YPEL2: variants seen among roughly 807,000 people sequenced by gnomAD.
YPEL2 encodes yippee like 2.
A neutral mutation model predicts 19.1 loss-of-function variants in YPEL2; 2 were observed. The ratio of observed to expected loss-of-function variants is 0.10; its 90% CI spans 0.04 to 0.33. The LOEUF (loss-of-function observed/expected upper bound fraction) is 0.33. YPEL2 is among the 10% of genes least tolerant of loss of function. The pLI is 1.00. For missense variants in YPEL2, 66 were observed against 140.7 expected (o/e 0.47, Z 2.68); for synonymous variants, 52 against 50.0 (o/e 1.04, Z -0.17).
intron 3 of YPEL2, 161 bp from the exon 4 acceptor site, chr17:59,389,199 T>C (rs1211136474): frequency 1.7e-6 from 1 of 578,958 alleles, no homozygotes; most frequent in Non-Finnish European, 3.1e-6. Flanking sequence ...CTGAGATATT[T>C]CCCTGTGGCC....
chr17:59,336,382 CT>C (rs554648651), intron 1 of YPEL2, among the ~76,000 whole-genome samples: 4 of 152,136 alleles, frequency 2.6e-5, no homozygotes, highest in Admixed American at 6.5e-5. Flanking sequence ...CTAGGCCTCG[CT>C]GTTTGTTTTC....
chr17:59,365,047 C>A (rs1035065766), intron 2 of YPEL2, among the ~76,000 whole-genome samples: 2 of 152,180 alleles, frequency 1.3e-5, no homozygotes, highest in Non-Finnish European at 2.9e-5. Flanking sequence ...TACCACAGGG[C>A]CTGGCACGTG....
chr17:59,389,032 G>T, intron 3 of YPEL2: 1 of 356,270 alleles, frequency 2.8e-6, no homozygotes. Flanking sequence ...TGTGCCCATG[G>T]CTGTGGACTT....
intron 2 of YPEL2, among the ~76,000 whole-genome samples, chr17:59,365,863 A>G (rs1567746084): frequency 6.6e-6 from 1 of 152,146 alleles, no homozygotes; most frequent in Non-Finnish European, 1.5e-5. Context: ...GCCGCTAGAA[A>G]CAACAACATC....
chr17:59,339,547 A>G (rs2047717247), intron 1 of YPEL2, among the ~76,000 whole-genome samples: 1 of 152,150 alleles, frequency 6.6e-6, no homozygotes, highest in African/African-American at 2.4e-5. Flanking sequence ...GGGTGTTTAG[A>G]GAGAACTTGA....
intron 1 of YPEL2, among the ~76,000 whole-genome samples, chr17:59,347,972 G>A (rs951363547): frequency 2.6e-5 from 4 of 151,782 alleles, no homozygotes; most frequent in Admixed American, 1.3e-4. Flanking sequence ...TCCCCCATTG[G>A]CCATTAAAAA....
intron 1 of YPEL2, among the ~76,000 whole-genome samples, chr17:59,349,173 CAAAAAA>C (rs57129006): frequency 1.4e-4 from 8 of 57,522 alleles, no homozygotes; most frequent in South Asian, 6.3e-4. Flanking sequence ...GACTCCGTCT[CAAAAAA>C]AAAAAAAAAA....
intron 2 of YPEL2, among the ~76,000 whole-genome samples, chr17:59,357,207 G>T (rs925505913): frequency 6.6e-6 from 1 of 152,100 alleles, no homozygotes; most frequent in African/African-American, 2.4e-5. Flanking sequence ...CTGTCCAAAA[G>T]AAAAGAACAA....
rs192387171 is a variant in YPEL2 at position 59,368,722 on chromosome 17, T to G, written c.117+15196T>G. Reference sequence around the variant, plus strand: ...GGCCTAGAAGGCCAAACTAAGGAGTTTAGACAGAGTTCTGGATGCTGTGAG... The same window carrying G: ...GGCCTAGAAGGCCAAACTAAGGAGTGTAGACAGAGTTCTGGATGCTGTGAG... On this transcript the variant is annotated intron_variant, in intron 2 of 4. Coordinates refer to ENST00000312655, the MANE Select transcript of YPEL2 (RefSeq NM_001005404.4). 3.0e-4 allele frequency among the ~76,000 whole-genome samples: 45 copies of G among 152,210 alleles called. No homozygotes were observed. The East Asian group carries it at 8.1e-3, about 28-fold the overall frequency.
At chr17:59,344,567 G>T (rs1409864102) in intron 1 of YPEL2, among the ~76,000 whole-genome samples, 1 of 152,134 alleles carries the variant, frequency 6.6e-6, no homozygotes, top group African/African-American at 2.4e-5. Context: ...AGACCAGCCT[G>T]GCCAACTTGG....
At position 59,334,392 on chromosome 17, in the gene YPEL2, G is replaced by T. The variant is rs370742134; in HGVS notation, c.-196+2568G>T. 4.7e-3 allele frequency among the ~76,000 whole-genome samples: 700 copies of T among 148,274 alleles called. 10 individuals are homozygous for T. The highest frequency in any genetic ancestry group is 0.016 in the African/African-American group (657 of 41,122). The stretch of plus-strand genomic sequence containing the variant: ...GCAGGCAGGTGACTCTTTTTATTTG[G>T]GGGGGGGTGAGGAGTCAGGAGTTTG... On this transcript the variant is annotated intron_variant, in intron 1 of 4. Transcript: ENST00000312655.
At chr17:59,370,691 G>A (rs780148410) in intron 2 of YPEL2, among the ~76,000 whole-genome samples, 4 of 152,038 alleles carry the variant, frequency 2.6e-5, no homozygotes, top group Non-Finnish European at 5.9e-5. Flanking sequence ...AGATTGCTTC[G>A]GCTTGTTTCT....
intron 2 of YPEL2, among the ~76,000 whole-genome samples, chr17:59,359,337 C>T (rs1276767141): frequency 6.6e-6 from 1 of 152,090 alleles, no homozygotes; most frequent in Non-Finnish European, 1.5e-5. Context: ...CTAAAAATCC[C>T]TTCATTTCTT....
intron 1 of YPEL2, among the ~76,000 whole-genome samples, chr17:59,350,819 T>C (rs1306715097): frequency 6.6e-6 from 1 of 152,126 alleles, no homozygotes; most frequent in Non-Finnish European, 1.5e-5. Flanking sequence ...GAAAACAGAC[T>C]CTGTATCTGC....
At chr17:59,332,635 G>T (rs994267974) in intron 1 of YPEL2, among the ~76,000 whole-genome samples, 2 of 152,162 alleles carry the variant, frequency 1.3e-5, no homozygotes, top group African/African-American at 4.8e-5. Flanking sequence ...GGGGGTGGGG[G>T]ACACCTGTTC....
At chr17:59,333,131 C>A (rs565559037) in intron 1 of YPEL2, among the ~76,000 whole-genome samples, 1 of 152,238 alleles carries the variant, frequency 6.6e-6, no homozygotes, top group Non-Finnish European at 1.5e-5. Context: ...GGCCACAGGG[C>A]CTATGAATGG....
At chr17:59,358,755 G>T (rs1053688086) in intron 2 of YPEL2, among the ~76,000 whole-genome samples, 1 of 151,858 alleles carries the variant, frequency 6.6e-6, no homozygotes, top group Non-Finnish European at 1.5e-5. Context: ...GATTATAGGC[G>T]CCCGCCTCCA....
At chr17:59,344,951 C>T (rs888242213) in intron 1 of YPEL2, among the ~76,000 whole-genome samples, 14 of 152,184 alleles carry the variant, frequency 9.2e-5, no homozygotes, top group African/African-American at 2.9e-4. Context: ...AATTTTTCCA[C>T]GGATGTGGGG....
At chr17:59,381,938 G>A (rs1408902753) in intron 2 of YPEL2, among the ~76,000 whole-genome samples, 2 of 152,090 alleles carry the variant, frequency 1.3e-5, no homozygotes, top group African/African-American at 2.4e-5. Flanking sequence ...CCCCACCTTC[G>A]GTACCACCCT....
Sources: allele counts gnomAD v4.1 joint callset (sites outside exome capture counted in the v4.1 genomes callset), GRCh38; gene constraint gnomAD v4.1.1; transcripts MANE v1.5; gene names NCBI Gene and HGNC (gene_info 2026-07-23, HGNC 2026-07-21).